The following SPOCK1 variants were observed in gnomAD, a reference collection of about 807,000 sequenced individuals.
The protein encoded by SPOCK1 is testican-1.
Under a neutral mutation model 55.3 loss-of-function variants are expected in SPOCK1, and 23 were observed. The ratio of observed to expected loss-of-function variants is 0.42; its 90% CI spans 0.30 to 0.59. The LOEUF is 0.59. Among genes scored for constraint, SPOCK1 ranks in the 20% least tolerant of loss-of-function variants. The pLI, the probability that SPOCK1 is intolerant of heterozygous loss-of-function variation, is 0.22. For synonymous variants in SPOCK1, 226 were observed against 221.0 expected (o/e 1.02, Z -0.20); for missense variants, 499 against 552.5 (o/e 0.90, Z 0.97).
At chr5:137,286,733 G>A (rs964505541) in intron 2 of SPOCK1, among the ~76,000 whole-genome samples, 1 of 152,156 alleles carries the variant, frequency 6.6e-6, no homozygotes, top group East Asian at 1.9e-4. Flanking sequence ...AGGGACCCAG[G>A]TACCAAGTCT....
At chr5:137,113,709 G>A (rs547203159) in intron 4 of SPOCK1, among the ~76,000 whole-genome samples, 2 of 152,146 alleles carry the variant, frequency 1.3e-5, no homozygotes, top group Non-Finnish European at 2.9e-5. Context: ...AAAAATGGTA[G>A]CCATTATTAC....
At position 136,979,305 on chromosome 5, in the gene SPOCK1, G is replaced by C. The variant is rs1750678007; in HGVS notation, c.1129+27C>G. The C allele has an allele frequency of 4.3e-6, 7 of 1,613,288 alleles. No homozygotes were observed. The Admixed American group carries it at 1.2e-4, about 27-fold the overall frequency. On this transcript the variant is annotated intron_variant, in intron 10 of 10. Coordinates refer to ENST00000394945, the MANE Select transcript of SPOCK1 (RefSeq NM_004598.4). ...AACCACAGGCCACCCAGGTCATTGT[G>C]GGGCTCATGCAGGAGGCCTTACTCA...
At chr5:137,179,551 G>A (rs954956944) in intron 3 of SPOCK1, among the ~76,000 whole-genome samples, 3 of 152,196 alleles carry the variant, frequency 2.0e-5, no homozygotes, top group South Asian at 2.1e-4. Flanking sequence ...ACCCACTTAC[G>A]ACACCTTTTT....
intron 2 of SPOCK1, among the ~76,000 whole-genome samples, chr5:137,421,697 A>G (rs6878178): frequency 0.05 from 7,559 of 152,238 alleles, 273 homozygotes; most frequent in African/African-American, 0.1. Flanking sequence ...GTGTCTCTGC[A>G]TATGACATGA....
chr5:137,264,891 T>C (rs1037129682), intron 3 of SPOCK1, among the ~76,000 whole-genome samples: 10 of 152,232 alleles, frequency 6.6e-5, no homozygotes, highest in Admixed American at 6.5e-4. Context: ...CTCATGGTTC[T>C]GTATATAAAT....
intron 2 of SPOCK1, among the ~76,000 whole-genome samples, chr5:137,444,403 G>A (rs1190751475): frequency 6.6e-6 from 1 of 152,198 alleles, no homozygotes; most frequent in Non-Finnish European, 1.5e-5. Context: ...AGAATGCAGT[G>A]TAGGTGTCCA....
chr5:137,270,806 C>T (rs1295692717), intron 2 of SPOCK1, among the ~76,000 whole-genome samples: 2 of 152,084 alleles, frequency 1.3e-5, no homozygotes, highest in Non-Finnish European at 2.9e-5. Flanking sequence ...AGTTTGTGAC[C>T]AGCCTGGCCA....
At chr5:137,180,945 A>G (rs1177693286) in intron 3 of SPOCK1, among the ~76,000 whole-genome samples, 1 of 152,180 alleles carries the variant, frequency 6.6e-6, no homozygotes, top group African/African-American at 2.4e-5. Context: ...ATCCAATCTT[A>G]CACACATATC....
intron 2 of SPOCK1, among the ~76,000 whole-genome samples, chr5:137,383,667 C>T (rs567132495): frequency 1.1e-4 from 16 of 152,302 alleles, no homozygotes; most frequent in African/African-American, 3.8e-4. Context: ...GATGCAGCCA[C>T]TGATTGAGAT....
intron 3 of SPOCK1, among the ~76,000 whole-genome samples, chr5:137,239,692 T>G (rs2127099244): frequency 6.6e-6 from 1 of 151,974 alleles, no homozygotes; most frequent in African/African-American, 2.4e-5. Flanking sequence ...ATTCAGACAT[T>G]TTGTATTAAA....
intron 2 of SPOCK1, among the ~76,000 whole-genome samples, chr5:137,285,308 ACC>A (rs1455524417): frequency 1.3e-5 from 2 of 152,340 alleles, no homozygotes; most frequent in African/African-American, 2.4e-5. Flanking sequence ...CACATGCTCA[ACC>A]ACAGCAGCAC....
At chr5:137,437,157 T>C (rs1392470423) in intron 2 of SPOCK1, among the ~76,000 whole-genome samples, 2 of 152,188 alleles carry the variant, frequency 1.3e-5, no homozygotes, top group African/African-American at 4.8e-5. Context: ...TCTGCCATCA[T>C]GGTACACTTT....
chr5:137,201,159 T>C (rs1030307072), intron 3 of SPOCK1, among the ~76,000 whole-genome samples: 2 of 152,280 alleles, frequency 1.3e-5, no homozygotes, highest in Admixed American at 1.3e-4. Context: ...AAGGATCTGA[T>C]TGACAGAAAA....
chr5:137,066,262 C>T (rs1240428387), intron 6 of SPOCK1, among the ~76,000 whole-genome samples: 1 of 152,218 alleles, frequency 6.6e-6, no homozygotes, highest in African/African-American at 2.4e-5. Flanking sequence ...CCTCAGCCCC[C>T]TGAGTAGCTG....
intron 2 of SPOCK1, among the ~76,000 whole-genome samples, chr5:137,302,153 G>A (rs1475390982): frequency 6.6e-6 from 1 of 152,196 alleles, no homozygotes; most frequent in African/African-American, 2.4e-5. Context: ...GAATCAGAAT[G>A]TAAAGGGAAA....
intron 6 of SPOCK1, among the ~76,000 whole-genome samples, chr5:137,055,938 G>A (rs996853277): frequency 6.6e-6 from 1 of 152,180 alleles, no homozygotes; most frequent in African/African-American, 2.4e-5. Context: ...TTCAGGTGGA[G>A]GAACCTGCCT....
At chr5:137,294,689 C>T (rs1271906964) in intron 2 of SPOCK1, among the ~76,000 whole-genome samples, 1 of 152,202 alleles carries the variant, frequency 6.6e-6, no homozygotes, top group Non-Finnish European at 1.5e-5. Flanking sequence ...TGTTCCAGGA[C>T]CAGGATTTGA....
At chr5:137,022,130 C>T (rs58534970) in intron 6 of SPOCK1, among the ~76,000 whole-genome samples, 21,906 of 151,934 alleles carry the variant, frequency 0.14, 2,150 homozygotes, top group East Asian at 0.31. Context: ...CAGCCTAGGT[C>T]ATTAAAGGTG....
At chr5:137,212,772 G>A (rs1451227895) in intron 3 of SPOCK1, among the ~76,000 whole-genome samples, 1 of 152,222 alleles carries the variant, frequency 6.6e-6, no homozygotes, top group Non-Finnish European at 1.5e-5. Context: ...TTACCCTGAA[G>A]CTGAGCTTCC....
Sources: gnomAD v4.1 joint callset for allele counts (sites outside exome capture counted in the v4.1 genomes callset) on GRCh38, gnomAD v4.1.1 for gene constraint, MANE v1.5 for transcripts, NCBI Gene and HGNC (gene_info 2026-07-23, HGNC 2026-07-21) for gene names.